The following EXOC4 variants were observed in gnomAD, a reference collection of about 807,000 sequenced individuals.
EXOC4 encodes exocyst complex component 4.
EXOC4 carries 71 observed loss-of-function variants against 107.2 expected under a neutral mutation model. The observed-to-expected ratio is 0.66, with a 90% CI of 0.55 to 0.81. The LOEUF (loss-of-function observed/expected upper bound fraction) is 0.81, where lower values mean the gene tolerates loss of function less well. Ranked by LOEUF, EXOC4 falls within the 30% of genes least tolerant of loss-of-function variation. The pLI, the probability that EXOC4 is intolerant of heterozygous loss-of-function variation, is 0.00. For missense variants in EXOC4, 1,108 were observed against 1,189.6 expected, an observed-to-expected ratio of 0.93 and a Z score of 1.01; for synonymous variants, 456 against 441.2, an observed-to-expected ratio of 1.03 and a Z score of -0.42.
At chr7:133,643,707 A>G (rs1438596125) in intron 10 of EXOC4, among the ~76,000 whole-genome samples, 1 of 152,238 alleles carries the variant, frequency 6.6e-6, no homozygotes, top group Admixed American at 6.5e-5. Context: ...AAATGCTGAT[A>G]TGAAGTCAAT....
intron 7 of EXOC4, among the ~76,000 whole-genome samples, chr7:133,470,684 C>A (rs1022124392): frequency 6.6e-6 from 1 of 151,956 alleles, no homozygotes; most frequent in Non-Finnish European, 1.5e-5. Flanking sequence ...TCTTGATGAA[C>A]AACAAATAGA....
chr7:133,621,831 G>A (rs1361838281), intron 9 of EXOC4, among the ~76,000 whole-genome samples: 2 of 152,206 alleles, frequency 1.3e-5, no homozygotes, highest in African/African-American at 4.8e-5. Flanking sequence ...TCAAACCATA[G>A]CTTTTTTCTG....
chr7:133,444,333 C>T (rs550863628), intron 7 of EXOC4, among the ~76,000 whole-genome samples: 2 of 152,178 alleles, frequency 1.3e-5, no homozygotes, highest in South Asian at 4.1e-4. Flanking sequence ...CTCCCTCCTT[C>T]CATATGCATC....
At chr7:133,941,851 C>CTCTCTCTCTCTCTCTCTCT (rs1330545954) in intron 14 of EXOC4, among the ~76,000 whole-genome samples, 1 of 151,788 alleles carries the variant, frequency 6.6e-6, no homozygotes, top group Non-Finnish European at 1.5e-5. Flanking sequence ...CTCTCTCTCT[C>CTCTCTCTCTCTCTCTCTCT]GGATCTAAGT....
intron 10 of EXOC4, among the ~76,000 whole-genome samples, chr7:133,631,248 A>G (rs1008814244): frequency 1.3e-5 from 2 of 152,070 alleles, no homozygotes; most frequent in African/African-American, 4.8e-5. Flanking sequence ...CCTTTCTCAC[A>G]TCACTTCTAT....
At chr7:133,457,719 AT>A (rs1798496098) in intron 7 of EXOC4, among the ~76,000 whole-genome samples, 1 of 152,176 alleles carries the variant, frequency 6.6e-6, no homozygotes, top group African/African-American at 2.4e-5. Context: ...GAAAATAATG[AT>A]TTAAAAATTC....
chr7:134,071,308 C>G (rs1027797046), downstream of EXOC4, among the ~76,000 whole-genome samples: 3 of 152,204 alleles, frequency 2.0e-5, no homozygotes, highest in Admixed American at 1.3e-4. Context: ...GCTCATACCA[C>G]TCGTCTCACA....
At chr7:133,989,253 A>AGATGC (rs1246389347) in intron 14 of EXOC4, among the ~76,000 whole-genome samples, 2 of 152,234 alleles carry the variant, frequency 1.3e-5, no homozygotes, top group African/African-American at 4.8e-5. Context: ...GATAGAGAAC[A>AGATGC]GATGCTAAAG....
intron 5 of EXOC4, among the ~76,000 whole-genome samples, chr7:133,349,943 T>C (rs969195872): frequency 1.3e-5 from 2 of 152,112 alleles, no homozygotes; most frequent in African/African-American, 4.8e-5. Context: ...TTAGTGATGT[T>C]AGGCATCATT....
intron 9 of EXOC4, among the ~76,000 whole-genome samples, chr7:133,507,268 AATTTCCT>A (rs1799684769): frequency 6.6e-6 from 1 of 152,160 alleles, no homozygotes; most frequent in Non-Finnish European, 1.5e-5. Flanking sequence ...ACTCTAAAAA[AATTTCCT>A]ATTAACATGA....
At chr7:133,697,128 GT>G (rs1215924795) in intron 10 of EXOC4, among the ~76,000 whole-genome samples, 1 of 152,048 alleles carries the variant, frequency 6.6e-6, no homozygotes, top group Non-Finnish European at 1.5e-5. Flanking sequence ...TTGTTTGTTT[GT>G]TTGTTTTAAA....
chr7:133,690,425 C>T (rs1585081242), intron 10 of EXOC4, among the ~76,000 whole-genome samples: 1 of 152,156 alleles, frequency 6.6e-6, no homozygotes, highest in Non-Finnish European at 1.5e-5. Context: ...TGCCACCATG[C>T]CATCTCCCTG....
intron 11 of EXOC4, among the ~76,000 whole-genome samples, chr7:133,892,773 G>A (rs1799223579): frequency 7.2e-6 from 1 of 138,986 alleles, no homozygotes; most frequent in African/African-American, 2.9e-5. Flanking sequence ...TAGTTTGATT[G>A]CACTGTGGTC....
intron 7 of EXOC4, among the ~76,000 whole-genome samples, chr7:133,400,979 G>T (rs148377860): frequency 6.6e-6 from 1 of 152,298 alleles, no homozygotes; most frequent in African/African-American, 2.4e-5. Flanking sequence ...AGAGGTTTCT[G>T]GTTGAACTCA....
intron 9 of EXOC4, among the ~76,000 whole-genome samples, chr7:133,564,686 A>C (rs982444068): frequency 6.6e-6 from 1 of 152,164 alleles, no homozygotes; most frequent in Admixed American, 6.5e-5. Flanking sequence ...AATTTTGATG[A>C]CCAGTAGGAG....
At chr7:133,383,296 AACAC>A (rs1387413373) in intron 7 of EXOC4, among the ~76,000 whole-genome samples, 1 of 152,162 alleles carries the variant, frequency 6.6e-6, no homozygotes, top group African/African-American at 2.4e-5. Flanking sequence ...CTCATTTCAA[AACAC>A]AACTGTCGAT....
intron 9 of EXOC4, among the ~76,000 whole-genome samples, chr7:133,604,532 T>C (rs558464747): frequency 2.6e-5 from 4 of 151,792 alleles, no homozygotes; most frequent in African/African-American, 9.6e-5. Flanking sequence ...TCATGGTATA[T>C]GCTGTCCATC....
At chr7:133,562,313 G>A (rs1800820385) in intron 9 of EXOC4, among the ~76,000 whole-genome samples, 3 of 152,162 alleles carry the variant, frequency 2.0e-5, no homozygotes, top group African/African-American at 7.2e-5. Flanking sequence ...GGCAGTATGA[G>A]AATTCTCACA....
chr7:133,255,299 C>T (rs953265094), intron 1 of EXOC4, among the ~76,000 whole-genome samples: 2 of 152,094 alleles, frequency 1.3e-5, no homozygotes, highest in Admixed American at 1.3e-4. Flanking sequence ...GCTTCAGCTT[C>T]CCGCATAGCT....
Sources: allele counts gnomAD v4.1 joint callset (sites outside exome capture counted in the v4.1 genomes callset), GRCh38; gene constraint gnomAD v4.1.1; transcripts MANE v1.5; gene names NCBI Gene and HGNC (gene_info 2026-07-23, HGNC 2026-07-21).